Variants in MALRD1 observed in about 807,000 individuals in gnomAD.
MALRD1 encodes MAM and LDL-receptor class A domain-containing protein 1.
A neutral mutation model predicts 242.1 loss-of-function variants in MALRD1; 247 were observed. The ratio of observed to expected loss-of-function variants is 1.02; its 90% CI spans 0.92 to 1.13. The LOEUF (loss-of-function observed/expected upper bound fraction) is 1.13. MALRD1 is among the 50% of genes most tolerant of loss of function. MALRD1 has a pLI of 0.00. For synonymous variants in MALRD1, 995 were observed against 866.6 expected (o/e 1.15, Z -2.60); for missense variants, 2,989 against 2,533.1 (o/e 1.18, Z -3.86).
At chr10:19,723,616 C>T (rs1267608557) in intron 38 of MALRD1, among the ~76,000 whole-genome samples, 1 of 152,074 alleles carries the variant, frequency 6.6e-6, no homozygotes, top group Non-Finnish European at 1.5e-5. Flanking sequence ...TTGGCATGCA[C>T]CTATAGTCCC....
At chr10:19,577,200 A>G (rs1422236084) in intron 33 of MALRD1, among the ~76,000 whole-genome samples, 2 of 152,140 alleles carry the variant, frequency 1.3e-5, no homozygotes, top group Non-Finnish European at 2.9e-5. Flanking sequence ...ATAGTGATAA[A>G]TGTATAAAAG....
chr10:19,644,043 G>A (rs562168856), intron 36 of MALRD1, among the ~76,000 whole-genome samples: 1 of 152,082 alleles, frequency 6.6e-6, no homozygotes, highest in African/African-American at 2.4e-5. Flanking sequence ...TTGCCTCTTC[G>A]GCTTTTTACT....
chr10:19,544,590 C>T (rs553699502), intron 32 of MALRD1, among the ~76,000 whole-genome samples: 123 of 150,712 alleles, frequency 8.2e-4, no homozygotes, highest in Middle Eastern at 3.4e-3. Flanking sequence ...CTAAAGTGGA[C>T]GAATTTTTAT....
At chr10:19,138,933 G>T (rs375844143) in intron 10 of MALRD1, among the ~76,000 whole-genome samples, 13 of 152,052 alleles carry the variant, frequency 8.5e-5, no homozygotes, top group African/African-American at 2.9e-4. Context: ...TGCAGGAATG[G>T]GTAATTGTGT....
rs935816767 is a variant in MALRD1, at chr10:19,323,956, A to G, written c.3427A>G (p.Thr1143Ala). The change falls in exon 22 of 40, where the codon ACT becomes GCT. Residue 1143 changes from threonine to alanine, a missense_variant. Physicochemically the swap from Thr to Ala is moderately conservative, Grantham distance 58. Coordinates refer to ENST00000454679, the MANE Select transcript of MALRD1 (RefSeq NM_001142308.3). ...RPSVDHTQNT[T>A]DGWYLYADSS... is the part of the protein sequence containing the mutation. The stretch of plus-strand genomic sequence containing the variant: ...GATAAATTCCTTTTCCAGAAATACC[A>G]CTGATGGCTGGTACCTGTATGCTGA... 1.0e-5 allele frequency: 16 copies of G among 1,550,644 alleles called. No individual in the cohort carries two copies. Among genetic ancestry groups the G allele is most frequent in the Non-Finnish European group, 1.2e-5 (14 of 1,146,830 alleles).
chr10:19,228,559 C>T (rs961319166), intron 18 of MALRD1, among the ~76,000 whole-genome samples: 21 of 152,100 alleles, frequency 1.4e-4, no homozygotes, highest in Non-Finnish European at 2.5e-4. Context: ...TTAAATGGAG[C>T]TGTAAATATG....
At chr10:19,427,597 T>A (rs1833950679) in intron 28 of MALRD1, among the ~76,000 whole-genome samples, 1 of 152,168 alleles carries the variant, frequency 6.6e-6, no homozygotes, top group South Asian at 2.1e-4. Context: ...TTCAATCTCT[T>A]AAATTTCCTG....
In MALRD1 at chr10:19,280,148, G is replaced by A; in HGVS notation, c.3181G>A (p.Gly1061Ser). Residue 1061 changes from glycine to serine, a missense_variant, in exon 20 of 40, where the codon GGT (glycine) becomes AGT (serine). Transcript: ENST00000454679. The part of the protein sequence containing the change: ...TDNEFICRSD[G>S]HCIEKMQKCD... ...CAATGAATTTATCTGCAGGTCTGAT[G>A]GTCACTGCATTGAAAAAATGCAGAA... 1.3e-6 allele frequency: 2 copies of A among 1,544,938 alleles called. No homozygotes were observed. The highest frequency in any genetic ancestry group is 1.7e-6 in the Non-Finnish European group (2 of 1,144,726).
intron 32 of MALRD1, among the ~76,000 whole-genome samples, chr10:19,541,288 A>G (rs1184163714): frequency 6.6e-6 from 1 of 152,204 alleles, no homozygotes; most frequent in Non-Finnish European, 1.5e-5. Flanking sequence ...ATTAGATAGT[A>G]TTTAAGAGAC....
intron 29 of MALRD1, among the ~76,000 whole-genome samples, chr10:19,484,962 GTA>G (rs10565085): frequency 0.024 from 3,601 of 152,234 alleles, 166 homozygotes; most frequent in African/African-American, 0.082. Flanking sequence ...GGAAAATGTG[GTA>G]TATATACACC....
At chr10:19,639,619 G>A (rs1308099553) in intron 36 of MALRD1, among the ~76,000 whole-genome samples, 1 of 152,142 alleles carries the variant, frequency 6.6e-6, no homozygotes, top group African/African-American at 2.4e-5. Context: ...CACCATGTTA[G>A]TGTGAGAAAT....
intron 18 of MALRD1, among the ~76,000 whole-genome samples, chr10:19,243,098 A>C (rs1391885892): frequency 2.3e-5 from 3 of 132,100 alleles, no homozygotes; most frequent in African/African-American, 8.4e-5. Flanking sequence ...GCTGTAATTT[A>C]TTTCTTTCTG....
At chr10:19,299,336 AG>A in intron 21 of MALRD1, among the ~76,000 whole-genome samples, 1 of 152,070 alleles carries the variant, frequency 6.6e-6, no homozygotes, top group South Asian at 2.1e-4. Context: ...GGGTGGAGAA[AG>A]ATCTATCAAA....
At chr10:19,596,782 A>G (rs149063287) in intron 34 of MALRD1, among the ~76,000 whole-genome samples, 301 of 150,584 alleles carry the variant, frequency 2.0e-3, no homozygotes, top group African/African-American at 6.7e-3. Context: ...AGAGAAAGAG[A>G]GAAGGAAGGA....
chr10:19,559,815 G>A (rs1018338173), intron 32 of MALRD1, among the ~76,000 whole-genome samples: 2 of 152,126 alleles, frequency 1.3e-5, no homozygotes, highest in Admixed American at 6.6e-5. Context: ...CAACCCCATC[G>A]AACCATGGAC....
chr10:19,257,890 T>C (rs1839588813), intron 19 of MALRD1, 119 bp downstream of exon 19: 7 of 632,904 alleles, frequency 1.1e-5, no homozygotes, highest in Non-Finnish European at 1.5e-5. Context: ...TTATTCTTTT[T>C]CTCAAAACTA....
intron 28 of MALRD1, among the ~76,000 whole-genome samples, chr10:19,414,741 T>C (rs1248577987): frequency 5.3e-5 from 8 of 152,144 alleles, no homozygotes; most frequent in Non-Finnish European, 8.8e-5. Context: ...GTCGGCATCG[T>C]CTGAGGCACT....
chr10:19,619,893 C>T (rs1337459147), intron 36 of MALRD1, among the ~76,000 whole-genome samples: 1 of 151,938 alleles, frequency 6.6e-6, no homozygotes, highest in Non-Finnish European at 1.5e-5. Context: ...CCCTCACCCT[C>T]ATAGTCTCAG....
intron 36 of MALRD1, among the ~76,000 whole-genome samples, chr10:19,665,720 G>A (rs773700908): frequency 3.9e-5 from 6 of 152,012 alleles, no homozygotes; most frequent in South Asian, 2.1e-4. Flanking sequence ...TCTCAAAGCC[G>A]TCAATTACCA....
Sources: allele counts gnomAD v4.1 joint callset (sites outside exome capture counted in the v4.1 genomes callset), GRCh38; gene constraint gnomAD v4.1.1; transcripts MANE v1.5; gene names NCBI Gene and HGNC (gene_info 2026-07-23, HGNC 2026-07-21).